MDGA2: variants seen among roughly 807,000 people sequenced by gnomAD.
The protein encoded by MDGA2 is MAM domain-containing glycosylphosphatidylinositol anchor protein 2.
In MDGA2, 40 loss-of-function variants were observed where a neutral mutation model predicts 117.8. The observed-to-expected ratio is 0.34, with a 90% CI of 0.26 to 0.44. The LOEUF is 0.44. MDGA2 is among the 20% of genes least tolerant of loss of function. The pLI is 1.00. For synonymous variants in MDGA2, 452 were observed against 439.0 expected, an observed-to-expected ratio of 1.03 and a Z score of -0.37; for missense variants, 1,123 against 1,250.6, an observed-to-expected ratio of 0.90 and a Z score of 1.54.
intron 3 of MDGA2, among the ~76,000 whole-genome samples, chr14:47,168,494 T>C (rs760136718): frequency 2.6e-5 from 4 of 151,992 alleles, no homozygotes; most frequent in Admixed American, 1.3e-4. Flanking sequence ...TAAGCTATTG[T>C]TTTTCTTTTG....
intron 1 of MDGA2, among the ~76,000 whole-genome samples, chr14:47,368,775 G>T (rs1025085450): frequency 7.0e-6 from 1 of 142,480 alleles, no homozygotes; most frequent in Non-Finnish European, 1.6e-5. Flanking sequence ...ACTAGAAAGC[G>T]CATAATTAGA....
chr14:46,897,192 T>A (rs1883108414), intron 10 of MDGA2, among the ~76,000 whole-genome samples: 1 of 152,192 alleles, frequency 6.6e-6, no homozygotes, highest in Non-Finnish European at 1.5e-5. Context: ...TCTACTAACA[T>A]ACTTATATTT....
intron 8 of MDGA2, among the ~76,000 whole-genome samples, chr14:46,971,631 C>T (rs1220491477): frequency 6.6e-6 from 1 of 151,688 alleles, no homozygotes; most frequent in Non-Finnish European, 1.5e-5. Context: ...GACATAAACC[C>T]CAATACTTGA....
At chr14:47,471,144 T>C (rs10483571) in intron 1 of MDGA2, among the ~76,000 whole-genome samples, 5,899 of 152,176 alleles carry the variant, frequency 0.039, 379 homozygotes, top group African/African-American at 0.14. Flanking sequence ...TTTTTTTCTT[T>C]TGTATCTTGC....
chr14:47,158,363 G>GGGGTGTGTGTGT (rs1555358937), intron 3 of MDGA2, among the ~76,000 whole-genome samples: 1 of 146,680 alleles, frequency 6.8e-6, no homozygotes, highest in African/African-American at 2.5e-5. Context: ...CCCTGGGGTG[G>GGGGTGTGTGTGT]GTGTGTGTGT....
At chr14:46,948,019 T>G (rs187474087) in intron 9 of MDGA2, among the ~76,000 whole-genome samples, 1 of 152,124 alleles carries the variant, frequency 6.6e-6, no homozygotes. Flanking sequence ...TTCAAACTAC[T>G]TATGCCTGCC....
chr14:47,029,576 T>C (rs1345729734), intron 8 of MDGA2, among the ~76,000 whole-genome samples: 2 of 152,106 alleles, frequency 1.3e-5, no homozygotes, highest in African/African-American at 4.8e-5. Context: ...AAAGTGACAT[T>C]CAATGCAATA....
chr14:47,500,202 T>C (rs1260130741), intron 1 of MDGA2, among the ~76,000 whole-genome samples: 2 of 152,158 alleles, frequency 1.3e-5, no homozygotes, highest in African/African-American at 4.8e-5. Flanking sequence ...CTGAACTCCT[T>C]GGATATTTTA....
chr14:47,436,871 G>C (rs1892909921), intron 1 of MDGA2, among the ~76,000 whole-genome samples: 1 of 152,054 alleles, frequency 6.6e-6, no homozygotes, highest in Non-Finnish European at 1.5e-5. Context: ...CATGCTCACT[G>C]CATCTGTACC....
intron 9 of MDGA2, among the ~76,000 whole-genome samples, chr14:46,938,102 A>C (rs1027410463): frequency 6.6e-6 from 1 of 152,228 alleles, no homozygotes; most frequent in Non-Finnish European, 1.5e-5. Flanking sequence ...CATCTCTAGC[A>C]CAAAAATATA....
intron 1 of MDGA2, among the ~76,000 whole-genome samples, chr14:47,473,161 G>T (rs564986257): frequency 6.6e-6 from 1 of 152,258 alleles, no homozygotes; most frequent in African/African-American, 2.4e-5. Context: ...ACAATAGGAA[G>T]AGTCACCAAT....
At chr14:46,985,960 C>A (rs1397051240) in intron 8 of MDGA2, among the ~76,000 whole-genome samples, 1 of 151,956 alleles carries the variant, frequency 6.6e-6, no homozygotes, top group Non-Finnish European at 1.5e-5. Flanking sequence ...AACCTCAAGA[C>A]TTCTAAGGTT....
At chr14:47,025,163 A>G (rs924431803) in intron 8 of MDGA2, among the ~76,000 whole-genome samples, 2 of 152,218 alleles carry the variant, frequency 1.3e-5, no homozygotes, top group Non-Finnish European at 2.9e-5. Flanking sequence ...TTGGCAGATG[A>G]AAAGAGTAGG....
chr14:47,408,823 G>A (rs560497172), intron 1 of MDGA2, among the ~76,000 whole-genome samples: 22 of 152,286 alleles, frequency 1.4e-4, no homozygotes, highest in African/African-American at 4.8e-4. Flanking sequence ...AGGAGACTGG[G>A]CAGATAGAGG....
intron 14 of MDGA2, chr14:46,871,976 T>G: frequency 4.1e-6 from 1 of 244,220 alleles, no homozygotes; most frequent in South Asian, 4.8e-5. Context: ...TCATAAAAAA[T>G]AAAAATAAAA....
intron 8 of MDGA2, among the ~76,000 whole-genome samples, chr14:46,970,878 CATAA>C (rs1431885053): frequency 2.0e-5 from 3 of 151,894 alleles, no homozygotes; most frequent in African/African-American, 4.8e-5. Flanking sequence ...GGCCTAAAGA[CATAA>C]ATAGATATTT....
At chr14:47,056,623 T>C (rs1216590798) in intron 7 of MDGA2, among the ~76,000 whole-genome samples, 1 of 152,142 alleles carries the variant, frequency 6.6e-6, no homozygotes, top group Non-Finnish European at 1.5e-5. Context: ...ATGCAGATGC[T>C]TCTGAGTTTA....
intron 8 of MDGA2, among the ~76,000 whole-genome samples, chr14:46,988,533 C>T (rs1027331692): frequency 3.9e-5 from 6 of 152,076 alleles, no homozygotes; most frequent in African/African-American, 1.4e-4. Context: ...TTTAGTGTAG[C>T]GGTTGGACAC....
chr14:47,068,736 A>G (rs1478795171), intron 6 of MDGA2, among the ~76,000 whole-genome samples: 3 of 152,184 alleles, frequency 2.0e-5, no homozygotes, highest in Non-Finnish European at 1.5e-5. Context: ...GGCAGTTTAG[A>G]AAGATTGGTA....
Sources: gnomAD v4.1 joint callset for allele counts (sites outside exome capture counted in the v4.1 genomes callset) on GRCh38, gnomAD v4.1.1 for gene constraint, MANE v1.5 for transcripts, NCBI Gene and HGNC (gene_info 2026-07-23, HGNC 2026-07-21) for gene names.